TMEM255B: variants seen among roughly 807,000 people sequenced by gnomAD.
TMEM255B encodes family with sequence similarity 70, member B.
Under a neutral mutation model 34.5 loss-of-function variants are expected in TMEM255B, and 35 were observed. The observed-to-expected ratio is 1.01, with a 90% confidence interval of 0.77 to 1.34. The LOEUF is 1.34. Among genes scored for constraint, TMEM255B ranks in the 40% most tolerant of loss-of-function variants. The probability of loss-of-function intolerance (pLI) is 0.00; values close to 1 mark genes in which losing one functional copy is unlikely to be tolerated. For synonymous variants in TMEM255B, 206 were observed against 201.2 expected (o/e 1.02, Z -0.20); for missense variants, 432 against 433.2 (o/e 1.00, Z 0.02).
intron 3 of TMEM255B, among the ~76,000 whole-genome samples, chr13:113,773,247 G>A (rs1341237051): frequency 6.6e-6 from 1 of 152,190 alleles, no homozygotes; most frequent in East Asian, 1.9e-4. Context: ...TCCATTGCAA[G>A]TGTTTAGAAA....
At chr13:113,801,108 C>G (rs201564722) in intron 6 of TMEM255B, among the ~76,000 whole-genome samples, 196 bp downstream of exon 6, 3 of 152,296 alleles carry the variant, frequency 2.0e-5, no homozygotes, top group East Asian at 3.9e-4. Flanking sequence ...TGACATCACC[C>G]CCCCCACACC....
chr13:113,763,230 A>C (rs2050336605), intron 1 of TMEM255B, among the ~76,000 whole-genome samples: 1 of 152,264 alleles, frequency 6.6e-6, no homozygotes, highest in Non-Finnish European at 1.5e-5. Context: ...TATTATCATC[A>C]ATATGATTAT....
At position 113,791,434 on chromosome 13, in the gene TMEM255B, C is replaced by T. The variant is rs568449815; in HGVS notation, c.253-3714C>T. ...CACTAGGCAGATGTGGGCTTCCTAA[C>T]GTTGGGCAGCCCCAACGAATCTGGG... On this transcript the variant is annotated intron_variant, in intron 3 of 8. Coordinates refer to ENST00000375353, the MANE Select transcript of TMEM255B (RefSeq NM_182614.4). 3.3e-5 allele frequency among the ~76,000 whole-genome samples: 5 copies of T among 152,232 alleles called. No homozygotes were observed. In the South Asian group the frequency reaches 8.3e-4, roughly 25 times the overall value.
intron 4 of TMEM255B, among the ~76,000 whole-genome samples, chr13:113,796,843 C>T (rs1253202935): frequency 2.0e-5 from 3 of 152,260 alleles, no homozygotes; most frequent in Non-Finnish European, 4.4e-5. Flanking sequence ...GGTGTTAGGC[C>T]TTTGTCTGCC....
In TMEM255B at chr13:113,813,547, C is replaced by T. The variant is rs2051368365; in HGVS notation, c.*1644C>T. ...TGCCCCCTCTGCTGCCCGGGAGCCT[C>T]CCTCTGTCCGATGGAGGGTCTCACA... On this transcript the variant is annotated 3_prime_UTR_variant, in exon 9 of 9. Coordinates refer to ENST00000375353, the MANE Select transcript of TMEM255B (RefSeq NM_182614.4). 6.7e-6 allele frequency: 1 copy of T among 148,642 alleles called. No homozygotes were observed. The highest frequency in any genetic ancestry group is 1.9e-4 in the East Asian group (1 of 5,144). 9.2% of individuals were successfully genotyped at this position (148,642 alleles called of 1,614,324 possible). A position where few individuals can be genotyped will look rare whatever the true frequency, so the allele number is the denominator to read the frequency against.
intron 3 of TMEM255B, among the ~76,000 whole-genome samples, chr13:113,775,501 C>A: frequency 6.6e-6 from 1 of 152,244 alleles, no homozygotes; most frequent in East Asian, 1.9e-4. Flanking sequence ...GGCGGCTCTG[C>A]GGGTCACCGG....
At chr13:113,803,717 C>T (rs1412525044) in intron 7 of TMEM255B, among the ~76,000 whole-genome samples, 1 of 152,218 alleles carries the variant, frequency 6.6e-6, no homozygotes, top group Non-Finnish European at 1.5e-5. Flanking sequence ...CCCCTGCTCT[C>T]TGCAGGGTCT....
In TMEM255B at chr13:113,760,030, G is replaced by T. The variant is rs183161435; in HGVS notation, c.46+715G>T. Among the ~76,000 whole-genome samples, 313 of 152,272 alleles carry T rather than the reference G, an allele frequency of 2.1e-3. No homozygotes were observed. In the Middle Eastern group the frequency reaches 0.034, roughly 17 times the overall value. On this transcript the variant is annotated intron_variant, in intron 1 of 8. Coordinates refer to ENST00000375353, the MANE Select transcript of TMEM255B (RefSeq NM_182614.4). ...GGATGCCGGGTGTCTTCCTGAGGGG[G>T]AGAGGGCTGGGCAGATTTCAGAACA... is the stretch of plus-strand genomic sequence containing the variant.
At chr13:113,811,690 G>A (rs1374485796) in intron 8 of TMEM255B, 46 bp from the exon 9 acceptor site, 16 of 1,608,976 alleles carry the variant, frequency 9.9e-6, no homozygotes, top group Middle Eastern at 2.0e-4. Context: ...GGTCCGGCAC[G>A]GGGTGGTCTC....
intron 4 of TMEM255B, among the ~76,000 whole-genome samples, chr13:113,796,894 TC>T (rs1166644416): frequency 2.0e-5 from 3 of 149,710 alleles, no homozygotes; most frequent in Non-Finnish European, 4.4e-5. Flanking sequence ...GGGAGCACAT[TC>T]ACAAAACACA....
Position 113,769,981 on chromosome 13 carries a change from A to G in TMEM255B, c.252+821A>G, listed in dbSNP as rs1594623417. Among the ~76,000 whole-genome samples, 1 of 151,686 alleles carries G rather than the reference A, an allele frequency of 6.6e-6. No individual in the cohort carries two copies. Among genetic ancestry groups the G allele is most frequent in the Non-Finnish European group, 1.5e-5 (1 of 67,896 alleles). ...GCAAATGACCTGTGTCGGGCCCCCA[A>G]CCCCTGCCTGTTCCCAGTTCCCAGG... On this transcript the variant is annotated intron_variant, in intron 3 of 8. Transcript: ENST00000375353. The surrounding 1 kb of genome is among the most constrained non-coding windows in gnomAD (Gnocchi z 4.2).
rs144331514 is a variant in TMEM255B at position 113,808,479 on chromosome 13, C to G, written c.814-3257C>G. Among the ~76,000 whole-genome samples the G allele has an allele frequency of 6.3e-3, 953 of 152,206 alleles. 4 individuals are homozygous for G. Among genetic ancestry groups the G allele is most frequent in the Middle Eastern group, 0.031 (9 of 294 alleles). ...GGTCCCAGGGTTTACTCTGTGGTTC[C>G]TGGGGGTTTATTCCATGGTTCCTGG... On this transcript the variant is annotated intron_variant, in intron 8 of 8. Transcript: ENST00000375353.
intron 8 of TMEM255B, among the ~76,000 whole-genome samples, chr13:113,805,289 C>T (rs149025509): frequency 7.2e-5 from 11 of 152,186 alleles, no homozygotes; most frequent in Admixed American, 1.3e-4. Flanking sequence ...GGGCTGGCCC[C>T]GCACAGGCCT....
Position 113,797,468 on chromosome 13 carries a change from C to G in TMEM255B, c.343-1871C>G, listed in dbSNP as rs576684550. 3.6e-4 allele frequency among the ~76,000 whole-genome samples: 55 copies of G among 152,356 alleles called. No individual in the cohort carries two copies. In the South Asian group the frequency reaches 9.9e-3, roughly 28 times the overall value. ...CATGGGGTTCCGGCACACCGCCCTC[C>G]CTCCCAGCAGGAGCCTCTGTCCGTG... On this transcript the variant is annotated intron_variant, in intron 4 of 8. Transcript: ENST00000375353.
Position 113,759,243 on chromosome 13 carries a change from C to T in TMEM255B, c.-27C>T, listed in dbSNP as rs1188081603. The T allele has an allele frequency of 3.3e-6, 4 of 1,227,232 alleles. No homozygotes were observed. Among genetic ancestry groups the T allele is most frequent in the Admixed American group, 4.3e-5 (1 of 23,520 alleles). 76.0% of individuals were successfully genotyped at this position (1,227,232 alleles called of 1,614,324 possible). A position where few individuals can be genotyped will look rare whatever the true frequency, so the allele number is the denominator to read the frequency against. ...CTGGCGGCGGGACTGTGGCTGTGGC[C>T]CCGGGAGAGCCGGGTGGGGCCTCGG... On this transcript the variant is annotated 5_prime_UTR_variant, in exon 1 of 9. Transcript: ENST00000375353.
intron 3 of TMEM255B, among the ~76,000 whole-genome samples, chr13:113,791,299 G>A (rs1358895632): frequency 2.0e-5 from 3 of 152,212 alleles, no homozygotes; most frequent in African/African-American, 7.2e-5. Context: ...GAGCCTGGAT[G>A]AGTCACCTGC....
rs1286648068 is a variant in TMEM255B, at chr13:113,814,058, G to C, written c.*2155G>C. On this transcript the variant is annotated 3_prime_UTR_variant, in exon 9 of 9. Coordinates refer to ENST00000375353, the MANE Select transcript of TMEM255B (RefSeq NM_182614.4). ...GCCACGGATTTCCCGAGTCCCCAGG[G>C]CTCTCACTTTACCTCAGGGAAGGCT... 6.6e-6 allele frequency: 1 copy of C among 152,186 alleles called. No homozygotes were observed. The highest frequency in any genetic ancestry group is 2.4e-5 in the African/African-American group (1 of 41,450). 9.4% of individuals were successfully genotyped at this position (152,186 alleles called of 1,614,324 possible).
In TMEM255B at chr13:113,800,975, C is replaced by T. The variant is rs372249488; in HGVS notation, c.509+63C>T. 128 of 1,109,180 alleles carry T rather than the reference C, an allele frequency of 1.2e-4. 1 individual carries two copies. In the African/African-American group the frequency reaches 2.8e-3, roughly 24 times the overall value. The allele number at this position is 1,109,180 out of a possible 1,614,324, so 68.7% of individuals were successfully genotyped here. ...GGAGGTGAGGGGCGCTGGGGACCCCCGTATCTACACCTGCGGGAGGTGAGG... is the reference window on the plus strand; with the variant it reads ...GGAGGTGAGGGGCGCTGGGGACCCCTGTATCTACACCTGCGGGAGGTGAGG... On this transcript the variant is annotated intron_variant, in intron 6 of 8. Transcript: ENST00000375353.
chr13:113,799,358 C>CG lies in TMEM255B; in HGVS notation c.365dup (p.Arg123LysfsTer42), dbSNP rs1158632392. On this transcript the variant is annotated frameshift_variant, in exon 5 of 9. Transcript: ENST00000375353. LOFTEE classifies it high-confidence loss of function. Reference sequence around the variant, plus strand: ...CTCTAGGAACCGAGGCCCCTCACCACGGGAAGATGCCAGTTTTACTCCAGT... The same window carrying CG: ...CTCTAGGAACCGAGGCCCCTCACCACGGGGAAGATGCCAGTTTTACTCCAGT... 1.2e-6 allele frequency: 2 copies of CG among 1,613,972 alleles called. No individual in the cohort carries two copies. Among genetic ancestry groups the CG allele is most frequent in the African/African-American group, 2.7e-5 (2 of 74,932 alleles).
Sources: allele counts gnomAD v4.1 joint callset (sites outside exome capture counted in the v4.1 genomes callset), GRCh38; gene constraint gnomAD v4.1.1; non-coding constraint Gnocchi (gnomAD v3.1); transcripts MANE v1.5; gene names NCBI Gene and HGNC (gene_info 2026-07-23, HGNC 2026-07-21).